The following ZBTB20 variants were observed in gnomAD, a reference collection of about 807,000 sequenced individuals.
ZBTB20 encodes zinc finger and BTB domain-containing protein 20.
In ZBTB20, 9 loss-of-function variants were observed where a neutral mutation model predicts 56.9. The observed-to-expected ratio is 0.16, with a 90% CI of 0.10 to 0.28. The LOEUF (loss-of-function observed/expected upper bound fraction) is 0.28, where lower values mean the gene tolerates loss of function less well. ZBTB20 is among the 10% of genes least tolerant of loss of function. The pLI, the probability that ZBTB20 is intolerant of heterozygous loss-of-function variation, is 1.00. For missense variants in ZBTB20, 655 were observed against 1,003.0 expected (o/e 0.65, Z 4.69); for synonymous variants, 417 against 420.7 (o/e 0.99, Z 0.11).
intron 7 of ZBTB20, among the ~76,000 whole-genome samples, chr3:114,416,924 C>T (rs2088620346): frequency 6.6e-6 from 1 of 151,976 alleles, no homozygotes; most frequent in Non-Finnish European, 1.5e-5. Flanking sequence ...AAAGGACACA[C>T]CATTTTAATA....
In ZBTB20 at chr3:114,867,661, C is replaced by T. The variant is rs955713186; in HGVS notation, c.-417+32643G>A. On this transcript the variant is annotated intron_variant, in intron 4 of 11. Coordinates refer to ENST00000675478, the MANE Select transcript of ZBTB20 (RefSeq NM_001348800.3). ...TGTTGGCCAGGCTGGTCTCAAACTC[C>T]TGGCCTCAAGTGATCCACCTGCCTC... Among the ~76,000 whole-genome samples, 3 of 152,248 alleles carry T rather than the reference C, an allele frequency of 2.0e-5. No homozygotes were observed. The East Asian group carries it at 5.8e-4, about 30-fold the overall frequency.
chr3:114,753,246 C>A (rs1010153273), intron 5 of ZBTB20, among the ~76,000 whole-genome samples: 1 of 70,686 alleles, frequency 1.4e-5, no homozygotes, highest in African/African-American at 4.2e-5. Flanking sequence ...ATATGTATAC[C>A]TGTATATAAT....
intron 2 of ZBTB20, among the ~76,000 whole-genome samples, chr3:115,026,894 G>A (rs2080448745): frequency 6.6e-6 from 1 of 150,472 alleles, no homozygotes; most frequent in Admixed American, 6.7e-5. Flanking sequence ...TCAACCACAG[G>A]CATTTCTTCC....
At chr3:114,575,630 A>AT (rs1646904592) in intron 6 of ZBTB20, among the ~76,000 whole-genome samples, 1 of 152,068 alleles carries the variant, frequency 6.6e-6, no homozygotes, top group Non-Finnish European at 1.5e-5. Context: ...AAATGCCTCT[A>AT]TTTAAATAGT....
intron 2 of ZBTB20, among the ~76,000 whole-genome samples, chr3:115,030,221 A>G (rs1186832792): frequency 6.6e-6 from 1 of 151,042 alleles, no homozygotes; most frequent in African/African-American, 2.4e-5. Flanking sequence ...CCTTTGACTG[A>G]AGAGATCCTC....
rs748460956 is a variant in ZBTB20 at position 114,351,589 on chromosome 3, T to C, written c.489A>G (p.Leu163=). ...GCAGAGCTTCCGACTGCGAGACCCG[T>C]AGCACGCCGCTGTACATGAAGTCAA... ...KLIDFMYSGV[L]RVSQSEALQI... is the part of the protein sequence containing the mutation. The change falls in exon 11 of 12, where the codon CTA becomes CTG. Residue 163 remains leucine, a synonymous_variant. Transcript: ENST00000675478. 9 of 1,613,968 alleles carry C rather than the reference T, an allele frequency of 5.6e-6. No homozygotes were observed. The highest frequency in any genetic ancestry group is 1.3e-5 in the African/African-American group (1 of 74,916).
intron 5 of ZBTB20, among the ~76,000 whole-genome samples, chr3:114,788,438 C>T (rs1174712048): frequency 1.3e-5 from 2 of 152,124 alleles, no homozygotes; most frequent in Non-Finnish European, 2.9e-5. Context: ...GGTACTTACT[C>T]GGCACAATGC....
At chr3:114,440,934 T>C (rs1032599403) in intron 7 of ZBTB20, among the ~76,000 whole-genome samples, 1 of 152,194 alleles carries the variant, frequency 6.6e-6, no homozygotes, top group Non-Finnish European at 1.5e-5. Flanking sequence ...TCCCTGACCT[T>C]AGATGGTCTT....
intron 5 of ZBTB20, among the ~76,000 whole-genome samples, chr3:114,775,036 A>T (rs999556155): frequency 6.6e-6 from 1 of 152,090 alleles, no homozygotes; most frequent in Admixed American, 6.6e-5. Context: ...TTTTGCTTTA[A>T]TTTTACAAAA....
Position 114,882,566 on chromosome 3 carries a change from T to C in ZBTB20, c.-417+17738A>G, listed in dbSNP as rs539818548. Among the ~76,000 whole-genome samples, 7 of 151,940 alleles carry C rather than the reference T, an allele frequency of 4.6e-5. No individual in the cohort carries two copies. The East Asian group carries it at 1.4e-3, about 29-fold the overall frequency. Reference sequence around the variant, plus strand: ...CAGTGGTTAAATACATTTTGTGACATCCATAAAATGGAAATATTAAGTAGC... The same window carrying C: ...CAGTGGTTAAATACATTTTGTGACACCCATAAAATGGAAATATTAAGTAGC... On this transcript the variant is annotated intron_variant, in intron 4 of 11. Coordinates refer to ENST00000675478, the MANE Select transcript of ZBTB20 (RefSeq NM_001348800.3).
intron 3 of ZBTB20, among the ~76,000 whole-genome samples, chr3:114,925,307 T>C (rs934183044): frequency 2.0e-5 from 3 of 152,002 alleles, no homozygotes; most frequent in Non-Finnish European, 4.4e-5. Context: ...TAATTTCTTA[T>C]TTCTCTGCTG....
At chr3:115,107,823 G>A (rs1235880207) in intron 1 of ZBTB20, among the ~76,000 whole-genome samples, 2 of 152,194 alleles carry the variant, frequency 1.3e-5, no homozygotes, top group Non-Finnish European at 2.9e-5. Context: ...AAAAAGGAAT[G>A]AGATCATGTC....
chr3:114,693,645 T>C (rs985525374), intron 5 of ZBTB20, 70 bp from the exon 6 acceptor site: 6 of 152,124 alleles, frequency 3.9e-5, no homozygotes, highest in Non-Finnish European at 8.8e-5. Flanking sequence ...ATGGTAATCA[T>C]AGAAAATAAC....
intron 3 of ZBTB20, among the ~76,000 whole-genome samples, chr3:114,919,409 A>C (rs2075870188): frequency 6.6e-6 from 1 of 152,182 alleles, no homozygotes; most frequent in Admixed American, 6.5e-5. Context: ...AGAAAGAAAC[A>C]AAAGAACTAC....
intron 2 of ZBTB20, among the ~76,000 whole-genome samples, chr3:115,050,367 CAA>C (rs1344267803): frequency 1.3e-5 from 2 of 151,652 alleles, no homozygotes; most frequent in African/African-American, 2.4e-5. Flanking sequence ...AAGCTCCCTT[CAA>C]AAGAGTTTTT....
chr3:115,124,844 T>C (rs1359750160), intron 1 of ZBTB20, among the ~76,000 whole-genome samples: 1 of 152,086 alleles, frequency 6.6e-6, no homozygotes, highest in Non-Finnish European at 1.5e-5. Flanking sequence ...AAGTGAATGA[T>C]TTAAGAAAAT....
At chr3:115,078,617 A>G (rs201821216) in intron 1 of ZBTB20, among the ~76,000 whole-genome samples, 3,333 of 84,548 alleles carry the variant, frequency 0.039, 86 homozygotes, top group African/African-American at 0.085. Flanking sequence ...GTGTGTGTAT[A>G]TATATATATA....
intron 4 of ZBTB20, among the ~76,000 whole-genome samples, chr3:114,850,537 G>A (rs1029504656): frequency 1.3e-5 from 2 of 152,158 alleles, no homozygotes; most frequent in Non-Finnish European, 2.9e-5. Flanking sequence ...TATTTACAGT[G>A]ATTACTATTA....
At chr3:114,344,041 T>TC (rs1452286747) in intron 11 of ZBTB20, among the ~76,000 whole-genome samples, 1 of 150,132 alleles carries the variant, frequency 6.7e-6, no homozygotes, top group African/African-American at 2.5e-5. Flanking sequence ...AGAGTGAGAC[T>TC]CCATCTCAAA....
Sources: gnomAD v4.1 joint callset for allele counts (sites outside exome capture counted in the v4.1 genomes callset) on GRCh38, gnomAD v4.1.1 for gene constraint, MANE v1.5 for transcripts, NCBI Gene and HGNC (gene_info 2026-07-23, HGNC 2026-07-21) for gene names.